The following AK5 variants were observed in gnomAD, a reference collection of about 807,000 sequenced individuals.
AK5 encodes the protein adenylate kinase isoenzyme 5.
Under a neutral mutation model 69.5 loss-of-function variants are expected in AK5, and 27 were observed. The observed-to-expected ratio is 0.39, with a 90% CI of 0.29 to 0.54. AK5 has a LOEUF of 0.54. Among genes scored for constraint, AK5 ranks in the 20% least tolerant of loss-of-function variants. The pLI, the probability that AK5 is intolerant of heterozygous loss-of-function variation, is 0.71. For missense variants in AK5, 531 were observed against 700.4 expected (o/e 0.76, Z 2.73); for synonymous variants, 260 against 244.4 (o/e 1.06, Z -0.60).
intron 7 of AK5, among the ~76,000 whole-genome samples, chr1:77,413,513 C>T (rs1481734361): frequency 2.0e-5 from 3 of 152,192 alleles, no homozygotes; most frequent in Non-Finnish European, 4.4e-5. Flanking sequence ...TCTACAGTGT[C>T]TCCCCCTCAA....
intron 6 of AK5, among the ~76,000 whole-genome samples, chr1:77,359,223 C>A (rs192856150): frequency 9.4e-4 from 142 of 151,326 alleles, no homozygotes; most frequent in African/African-American, 3.0e-3. Flanking sequence ...CCACTGCACT[C>A]CAGCCTGGCG....
intron 7 of AK5, among the ~76,000 whole-genome samples, chr1:77,412,822 G>C (rs1161180165): frequency 6.6e-6 from 1 of 151,864 alleles, no homozygotes; most frequent in Non-Finnish European, 1.5e-5. Flanking sequence ...CTCTCACCTT[G>C]ACCTTTCTCC....
rs1660333497 is a variant in AK5 at position 77,559,610 on chromosome 1, T to C, written c.*940T>C. ...AAACCTGATGTGGGTGGGAGGGGCA[T>C]GTCAGTAAGTGGTGTGTTCAATGTG... On this transcript the variant is annotated 3_prime_UTR_variant, in exon 14 of 14. Transcript: ENST00000354567. The C allele has an allele frequency of 6.6e-6, 1 of 152,160 alleles. No homozygotes were observed. Among genetic ancestry groups the C allele is most frequent in the African/African-American group, 2.4e-5 (1 of 41,442 alleles). 9.4% of individuals were successfully genotyped at this position (152,160 alleles called of 1,614,324 possible). A position where few individuals can be genotyped will look rare whatever the true frequency, so the allele number is the denominator to read the frequency against.
At chr1:77,383,843 A>G (rs1269672876) in intron 6 of AK5, among the ~76,000 whole-genome samples, 2 of 152,176 alleles carry the variant, frequency 1.3e-5, no homozygotes, top group African/African-American at 4.8e-5. Context: ...AATGAACTCT[A>G]GTTGAATGAA....
chr1:77,488,558 A>C (rs1655747516), intron 10 of AK5, among the ~76,000 whole-genome samples: 1 of 152,160 alleles, frequency 6.6e-6, no homozygotes, highest in African/African-American at 2.4e-5. Context: ...TACATATAGG[A>C]ATTTATTAAG....
chr1:77,413,909 C>T (rs763568126), intron 7 of AK5, among the ~76,000 whole-genome samples: 6 of 152,154 alleles, frequency 3.9e-5, no homozygotes, highest in Non-Finnish European at 7.3e-5. Context: ...ACCCAGATCC[C>T]TCAAAGAGTT....
intron 5 of AK5, among the ~76,000 whole-genome samples, chr1:77,329,610 A>G (rs1204196825): frequency 6.6e-6 from 1 of 152,182 alleles, no homozygotes; most frequent in African/African-American, 2.4e-5. Flanking sequence ...AACAAGGGCA[A>G]CTAGTGCAAG....
intron 13 of AK5, among the ~76,000 whole-genome samples, chr1:77,536,386 G>A (rs1158254567): frequency 6.6e-6 from 1 of 152,172 alleles, no homozygotes; most frequent in East Asian, 1.9e-4. Flanking sequence ...CCCCAGAGGT[G>A]GAGGCTGTAG....
intron 5 of AK5, among the ~76,000 whole-genome samples, chr1:77,310,449 G>A (rs999898708): frequency 4.0e-5 from 6 of 151,780 alleles, no homozygotes; most frequent in African/African-American, 9.7e-5. Flanking sequence ...ATGCGATCTC[G>A]GCTCACTGCA....
intron 6 of AK5, among the ~76,000 whole-genome samples, chr1:77,360,880 CT>C (rs1432724087): frequency 2.0e-5 from 3 of 152,154 alleles, no homozygotes; most frequent in African/African-American, 7.2e-5. Context: ...AACTCCCTGC[CT>C]TTTAGAAGCT....
At chr1:77,469,260 A>G (rs1490376374) in intron 8 of AK5, among the ~76,000 whole-genome samples, 1 of 152,206 alleles carries the variant, frequency 6.6e-6, no homozygotes, top group South Asian at 2.1e-4. Flanking sequence ...TATTGTACCC[A>G]GTTATTTAAT....
intron 1 of AK5, among the ~76,000 whole-genome samples, chr1:77,284,665 G>A (rs1262297321): frequency 6.6e-6 from 1 of 152,266 alleles, no homozygotes; most frequent in East Asian, 1.9e-4. Context: ...GTAGCTTACA[G>A]CAGAGATTTG....
intron 5 of AK5, among the ~76,000 whole-genome samples, chr1:77,302,047 G>C (rs1659369820): frequency 6.6e-6 from 1 of 151,714 alleles, no homozygotes; most frequent in Non-Finnish European, 1.5e-5. Flanking sequence ...TCGAACTCCT[G>C]GACCACACTC....
chr1:77,479,506 T>C lies in AK5; in HGVS notation c.1060-3811T>C, dbSNP rs575849011. ...CAGGCGTGAGCCACCGTACCCGGCCTGAAATTGTCTTTTGGTGTTAGTGGG... is the reference window on the plus strand; with the variant it reads ...CAGGCGTGAGCCACCGTACCCGGCCCGAAATTGTCTTTTGGTGTTAGTGGG... On this transcript the variant is annotated intron_variant, in intron 8 of 13. Transcript: ENST00000354567. Among the ~76,000 whole-genome samples the C allele has an allele frequency of 2.0e-5, 3 of 152,210 alleles. No individual in the cohort carries two copies. In the East Asian group the frequency reaches 5.8e-4, roughly 30 times the overall value.
At chr1:77,390,700 T>C (rs907792729) in intron 6 of AK5, among the ~76,000 whole-genome samples, 3 of 152,212 alleles carry the variant, frequency 2.0e-5, no homozygotes, top group African/African-American at 7.2e-5. Flanking sequence ...AAACACAAAA[T>C]GTTTAAAAGT....
chr1:77,333,575 A>T (rs113048405), intron 5 of AK5, among the ~76,000 whole-genome samples: 9 of 137,524 alleles, frequency 6.5e-5, no homozygotes, highest in African/African-American at 2.5e-4. Flanking sequence ...ATTGTATCTT[A>T]TGTGACAACT....
At chr1:77,443,091 ATCT>A (rs1652429718) in intron 8 of AK5, among the ~76,000 whole-genome samples, 1 of 152,108 alleles carries the variant, frequency 6.6e-6, no homozygotes, top group South Asian at 2.1e-4. Flanking sequence ...CTGACTTGAG[ATCT>A]TCTGTAATAA....
intron 6 of AK5, among the ~76,000 whole-genome samples, chr1:77,365,744 T>A (rs1294838899): frequency 6.6e-6 from 1 of 152,204 alleles, no homozygotes; most frequent in African/African-American, 2.4e-5. Context: ...GCTCACTTCC[T>A]GCTGTGCAGC....
chr1:77,523,388 C>T (rs1379389612), intron 12 of AK5, among the ~76,000 whole-genome samples: 1 of 152,068 alleles, frequency 6.6e-6, no homozygotes, highest in Non-Finnish European at 1.5e-5. Flanking sequence ...TGATGGGGGA[C>T]ACTCACATGC....
Sources: allele counts gnomAD v4.1 joint callset (sites outside exome capture counted in the v4.1 genomes callset), GRCh38; gene constraint gnomAD v4.1.1; transcripts MANE v1.5; gene names NCBI Gene and HGNC (gene_info 2026-07-23, HGNC 2026-07-21).